The following C6orf52 variants were observed in gnomAD, a reference collection of about 807,000 sequenced individuals.
The protein encoded by C6orf52 is putative uncharacterized protein C6orf52.
Under a neutral mutation model 16.6 loss-of-function variants are expected in C6orf52, and 16 were observed. The observed-to-expected ratio is 0.96, with a 90% CI of 0.65 to 1.46. The LOEUF (loss-of-function observed/expected upper bound fraction) is 1.46, where lower values mean the gene tolerates loss of function less well. Ranked by LOEUF, C6orf52 falls within the 40% of genes most tolerant of loss-of-function variation. The pLI, the probability that C6orf52 is intolerant of heterozygous loss-of-function variation, is 0.00. For synonymous variants in C6orf52, 53 were observed against 61.4 expected (o/e 0.86, Z 0.64); for missense variants, 166 against 182.3 (o/e 0.91, Z 0.52).
intron 3 of C6orf52, among the ~76,000 whole-genome samples, chr6:10,685,999 T>C (rs1768842705): frequency 1.3e-5 from 2 of 152,188 alleles, no homozygotes. Context: ...GTTAAAGCCC[T>C]GAAAATATTT....
At chr6:10,687,349 A>T in intron 2 of C6orf52, 131 bp downstream of exon 2, 2 of 816,878 alleles carry the variant, frequency 2.4e-6, no homozygotes, top group Non-Finnish European at 3.9e-6. Flanking sequence ...CTATGTAAAA[A>T]ACCTGCACGT....
At chr6:10,681,464 T>C (rs1768386078) in intron 4 of C6orf52, among the ~76,000 whole-genome samples, 1 of 152,220 alleles carries the variant, frequency 6.6e-6, no homozygotes, top group Admixed American at 6.5e-5. Context: ...TTTCTTCTAC[T>C]AATTTTGGGT....
chr6:10,693,935 C>T lies in C6orf52; in HGVS notation c.-12+559G>A, dbSNP rs529664020. Among the ~76,000 whole-genome samples the T allele has an allele frequency of 1.4e-4, 22 of 152,248 alleles. No homozygotes were observed. The South Asian group carries it at 4.4e-3, about 30-fold the overall frequency. ...GTAGAGACGGCATCAAAATATGTTG[C>T]TCAGGCTCACTTTGTTTTCCCAACT... is the stretch of plus-strand genomic sequence containing the variant. On this transcript the variant is annotated intron_variant, in intron 1 of 4. Coordinates refer to ENST00000259983, the MANE Select transcript of C6orf52 (RefSeq NM_001145020.3).
At chr6:10,677,624 C>A (rs942916372) in intron 4 of C6orf52, among the ~76,000 whole-genome samples, 1 of 151,748 alleles carries the variant, frequency 6.6e-6, no homozygotes, top group Non-Finnish European at 1.5e-5. Flanking sequence ...CTCCGCCTCC[C>A]GGGTTCCAGC....
rs543788174 is a variant in C6orf52, at chr6:10,675,833, G to A, written c.317-4235C>T. Among the ~76,000 whole-genome samples, 130 of 152,220 alleles carry A rather than the reference G, an allele frequency of 8.5e-4. 1 individual carries two copies. The highest frequency in any genetic ancestry group is 2.8e-3 in the African/African-American group (118 of 41,542). ...TGGTCATTTGTACATCATCTCTTGA[G>A]AAATGTCTTAAAAAATGGCCGGGCA... On this transcript the variant is annotated intron_variant, in intron 4 of 4. Coordinates refer to ENST00000259983, the MANE Select transcript of C6orf52 (RefSeq NM_001145020.3).
At position 10,672,485 on chromosome 6, in the gene C6orf52, T is replaced by C. The variant is rs1767518083; in HGVS notation, c.317-887A>G. On this transcript the variant is annotated intron_variant, in intron 4 of 4. Coordinates refer to ENST00000259983, the MANE Select transcript of C6orf52 (RefSeq NM_001145020.3). The stretch of plus-strand genomic sequence containing the variant: ...AGATGAGGTCATAAGAGTTGGGTGC[T>C]GGTCTGACAGAAGTAGTGCCCTTAT... 1.1e-5 allele frequency: 7 copies of C among 661,666 alleles called. No homozygotes were observed. In the South Asian group the frequency reaches 1.2e-4, roughly 11 times the overall value. The allele number at this position is 661,666 out of a possible 1,614,324, so 41.0% of individuals were successfully genotyped here.
intron 4 of C6orf52, 69 bp from the exon 5 acceptor site, chr6:10,671,667 A>C: frequency 9.3e-7 from 1 of 1,075,942 alleles, no homozygotes; most frequent in South Asian, 1.9e-5. Flanking sequence ...ATAGTTTAAA[A>C]TTAGAAAGCT....
At chr6:10,684,488 A>G (rs1293408895) in intron 3 of C6orf52, among the ~76,000 whole-genome samples, 1 of 152,236 alleles carries the variant, frequency 6.6e-6, no homozygotes, top group African/African-American at 2.4e-5. Context: ...AAGTATCTGG[A>G]GACAGAGCAT....
intron 4 of C6orf52, among the ~76,000 whole-genome samples, chr6:10,676,530 C>T (rs1299361396): frequency 6.6e-6 from 1 of 152,178 alleles, no homozygotes; most frequent in African/African-American, 2.4e-5. Context: ...TTCAAAATGG[C>T]GGCTCCATCT....
intron 4 of C6orf52, among the ~76,000 whole-genome samples, chr6:10,673,471 C>A (rs989872827): frequency 2.6e-5 from 4 of 152,182 alleles, no homozygotes; most frequent in African/African-American, 9.7e-5. Context: ...TGCTGGCCCT[C>A]ACTGAGATGT....
At chr6:10,687,363 G>T in intron 2 of C6orf52, 117 bp downstream of exon 2, 1 of 866,494 alleles carries the variant, frequency 1.2e-6, no homozygotes, top group Non-Finnish European at 1.8e-6. Context: ...TGCACGTTCT[G>T]CACATGTACC....
At chr6:10,691,718 G>A (rs1769326492) in intron 1 of C6orf52, among the ~76,000 whole-genome samples, 1 of 152,024 alleles carries the variant, frequency 6.6e-6, no homozygotes, top group Non-Finnish European at 1.5e-5. Flanking sequence ...ATAATTTCAT[G>A]GGATTCAAAA....
Position 10,671,494 on chromosome 6 carries a change from T to C in C6orf52, c.421A>G (p.Thr141Ala). ...LMNCHWQPLD[T>A]VHSEIPDETP... ...TCATCTGGGATTTCGGAGTGAACTG[T>C]GTCCAGAGGCTGCCAGTGGCAATTC... Residue 141 changes from threonine (T) to alanine (A), a missense_variant, in exon 5 of 5, where the codon ACA becomes GCA. Transcript: ENST00000259983. 6.4e-7 allele frequency: 1 copy of C among 1,550,458 alleles called. No homozygotes were observed. Among genetic ancestry groups the C allele is most frequent in the Non-Finnish European group, 8.7e-7 (1 of 1,146,622 alleles).
At chr6:10,693,170 G>C (rs1769504695) in intron 1 of C6orf52, among the ~76,000 whole-genome samples, 3 of 152,152 alleles carry the variant, frequency 2.0e-5, no homozygotes. Context: ...ATCAGTTTAA[G>C]ATTATGAGGT....
In C6orf52 at chr6:10,680,201, GA is replaced by G. The variant is rs577847697; in HGVS notation, c.316+2985del. Among the ~76,000 whole-genome samples, 407 of 151,964 alleles carry G rather than the reference GA, an allele frequency of 2.7e-3. 1 individual carries two copies. Among genetic ancestry groups the G allele is most frequent in the Non-Finnish European group, 4.5e-3 (309 of 67,980 alleles). On this transcript the variant is annotated intron_variant, in intron 4 of 4. Transcript: ENST00000259983. ...CCTAGGATGCAGAGGTTGCAGCCGA[GA>G]TCACGGCACTGCACTCCAACCTGGG...
intron 1 of C6orf52, among the ~76,000 whole-genome samples, chr6:10,687,800 T>C (rs889693985): frequency 2.6e-5 from 4 of 152,146 alleles, no homozygotes; most frequent in African/African-American, 4.8e-5. Context: ...TTCCTCGGGC[T>C]TCCACCTGCC....
chr6:10,686,245 A>C (rs1431930712), intron 3 of C6orf52, among the ~76,000 whole-genome samples: 1 of 152,250 alleles, frequency 6.6e-6, no homozygotes, highest in Admixed American at 6.5e-5. Context: ...AGAAGCAAGC[A>C]AACAGCAAAC....
chr6:10,672,702 A>C lies in C6orf52; in HGVS notation c.317-1104T>G, dbSNP rs72821567. On this transcript the variant is annotated intron_variant, in intron 4 of 4. Coordinates refer to ENST00000259983, the MANE Select transcript of C6orf52 (RefSeq NM_001145020.3). ...AGAACTTGCTCACATTCTCTCCTAC[A>C]ATGCATGCATAAAGAGGTCAAGTGT... is the stretch of plus-strand genomic sequence containing the variant. 8.0e-4 allele frequency: 492 copies of C among 613,110 alleles called. 10 individuals are homozygous for C. The highest frequency in any genetic ancestry group is 6.3e-3 in the South Asian group (314 of 49,960). 38.0% of individuals were successfully genotyped at this position (613,110 alleles called of 1,614,324 possible).
At chr6:10,692,040 TAAAC>T (rs1380705487) in intron 1 of C6orf52, among the ~76,000 whole-genome samples, 4 of 152,318 alleles carry the variant, frequency 2.6e-5, no homozygotes, top group Middle Eastern at 3.4e-3. Flanking sequence ...AAAAGTGTAT[TAAAC>T]AAGTATTAAT....
Sources: allele counts gnomAD v4.1 joint callset (sites outside exome capture counted in the v4.1 genomes callset), GRCh38; gene constraint gnomAD v4.1.1; transcripts MANE v1.5; gene names NCBI Gene and HGNC (gene_info 2026-07-23, HGNC 2026-07-21).